The following NKAIN3 variants were observed in gnomAD, a reference collection of about 807,000 sequenced individuals.
NKAIN3 encodes sodium/potassium transporting ATPase interacting 3, also known as sodium/potassium-transporting ATPase subunit beta-1-interacting protein 3.
In NKAIN3, 25 loss-of-function variants were observed where a neutral mutation model predicts 30.2. That is an observed-to-expected ratio of 0.83 (90% CI 0.60 to 1.16). NKAIN3 has a LOEUF of 1.16. Among genes scored for constraint, NKAIN3 ranks in the 50% most tolerant of loss-of-function variants. NKAIN3 has a pLI of 0.00. For missense variants in NKAIN3, 225 were observed against 254.1 expected (o/e 0.89, Z 0.78); for synonymous variants, 91 against 89.6 (o/e 1.02, Z -0.09).
intron 1 of NKAIN3, among the ~76,000 whole-genome samples, chr8:62,500,239 A>G (rs993267360): frequency 6.6e-6 from 1 of 151,996 alleles, no homozygotes; most frequent in African/African-American, 2.4e-5. Context: ...TTTGAACCCA[A>G]ATATTCTGTC....
intron 4 of NKAIN3, among the ~76,000 whole-genome samples, chr8:62,823,324 A>G (rs949028171): frequency 6.6e-6 from 1 of 152,168 alleles, no homozygotes; most frequent in Non-Finnish European, 1.5e-5. Context: ...TGTCATATGC[A>G]GCAGATGACT....
chr8:62,310,440 A>G (rs1339626618), intron 1 of NKAIN3, among the ~76,000 whole-genome samples: 2 of 150,620 alleles, frequency 1.3e-5, no homozygotes, highest in Non-Finnish European at 2.9e-5. Flanking sequence ...GTCAAAAAGA[A>G]CCATTTTATA....
intron 4 of NKAIN3, among the ~76,000 whole-genome samples, chr8:62,796,612 CTCA>C (rs890366119): frequency 1.3e-5 from 2 of 152,030 alleles, no homozygotes; most frequent in African/African-American, 4.8e-5. Context: ...AGAATATTTT[CTCA>C]TAACAACACT....
intron 1 of NKAIN3, among the ~76,000 whole-genome samples, chr8:62,251,571 A>G (rs974697410): frequency 3.3e-5 from 5 of 152,216 alleles, no homozygotes; most frequent in Admixed American, 3.3e-4. Context: ...AATTACATGA[A>G]AAGATTCTTG....
At chr8:62,706,392 AG>A (rs1361096902) in intron 3 of NKAIN3, among the ~76,000 whole-genome samples, 4 of 152,118 alleles carry the variant, frequency 2.6e-5, no homozygotes, top group Admixed American at 1.3e-4. Flanking sequence ...ATTCTACCTA[AG>A]CTGCCAGAGT....
chr8:62,473,744 T>C (rs1032020558), intron 1 of NKAIN3, among the ~76,000 whole-genome samples: 1 of 151,140 alleles, frequency 6.6e-6, no homozygotes, highest in African/African-American at 2.4e-5. Flanking sequence ...ATCTCAGTCT[T>C]TCCTTAATAG....
chr8:62,901,649 C>T (rs531985672), intron 4 of NKAIN3, among the ~76,000 whole-genome samples: 2 of 152,242 alleles, frequency 1.3e-5, no homozygotes, highest in African/African-American at 4.8e-5. Flanking sequence ...CTAGGTAGGA[C>T]TTTTACGTAC....
chr8:62,878,231 A>T (rs1174465167), intron 4 of NKAIN3, among the ~76,000 whole-genome samples: 1 of 152,178 alleles, frequency 6.6e-6, no homozygotes, highest in Admixed American at 6.5e-5. Flanking sequence ...TGATTTGACA[A>T]TTCTAAATTT....
intron 1 of NKAIN3, among the ~76,000 whole-genome samples, chr8:62,478,716 T>G (rs552618308): frequency 1.9e-4 from 29 of 152,322 alleles, no homozygotes; most frequent in Non-Finnish European, 3.7e-4. Context: ...AATATTTATT[T>G]CCTGAGCCAT....
At chr8:62,412,505 A>T (rs948050474) in intron 1 of NKAIN3, among the ~76,000 whole-genome samples, 2 of 152,162 alleles carry the variant, frequency 1.3e-5, no homozygotes, top group Admixed American at 1.3e-4. Flanking sequence ...CTTTAAACAG[A>T]CAATCTACAG....
intron 3 of NKAIN3, among the ~76,000 whole-genome samples, chr8:62,698,893 C>T (rs1814246213): frequency 6.6e-6 from 1 of 152,150 alleles, no homozygotes; most frequent in Non-Finnish European, 1.5e-5. Context: ...CTAATAAGCA[C>T]TATTGAGGTA....
At chr8:62,286,763 C>T (rs1387497421) in intron 1 of NKAIN3, among the ~76,000 whole-genome samples, 1 of 152,034 alleles carries the variant, frequency 6.6e-6, no homozygotes, top group East Asian at 1.9e-4. Flanking sequence ...TGTTCTTTGC[C>T]TGGACAGAAG....
chr8:62,491,087 A>G (rs1430904317), intron 1 of NKAIN3, among the ~76,000 whole-genome samples: 1 of 152,174 alleles, frequency 6.6e-6, no homozygotes, highest in African/African-American at 2.4e-5. Context: ...GAGCATTCAC[A>G]TATTTCCTAC....
In NKAIN3 at chr8:62,971,906, T is replaced by A. The variant is rs1215787790; in HGVS notation, c.*6499T>A. ...GTGGTTAGAAAGAAATGAAAATAAA[T>A]CAGTAGCACTACATCCTTCTAGGTT... On this transcript the variant is annotated 3_prime_UTR_variant, in exon 7 of 7. Coordinates refer to ENST00000623646, the MANE Select transcript of NKAIN3 (RefSeq NM_001304533.3). Among the ~76,000 whole-genome samples, 3 of 152,208 alleles carry A rather than the reference T, an allele frequency of 2.0e-5. No homozygotes were observed. Among genetic ancestry groups the A allele is most frequent in the African/African-American group, 7.2e-5 (3 of 41,458 alleles).
chr8:62,255,798 G>A (rs933971969), intron 1 of NKAIN3, among the ~76,000 whole-genome samples: 1 of 152,088 alleles, frequency 6.6e-6, no homozygotes, highest in Non-Finnish European at 1.5e-5. Context: ...TGCCCTCATG[G>A]GAGTCTTTGG....
At chr8:62,701,125 T>C (rs1814317908) in intron 3 of NKAIN3, among the ~76,000 whole-genome samples, 1 of 152,204 alleles carries the variant, frequency 6.6e-6, no homozygotes, top group African/African-American at 2.4e-5. Flanking sequence ...CTTAGGGATT[T>C]TATCACTGTG....
rs142014728 is a variant in NKAIN3, at chr8:62,705,102, C to G, written c.274-41830C>G. On this transcript the variant is annotated intron_variant, in intron 3 of 6. Coordinates refer to ENST00000623646, the MANE Select transcript of NKAIN3 (RefSeq NM_001304533.3). ...TCTCCCATTTTTTTACTGGCAATAC[C>G]TGGCACAACTCAGAACCATAAAACA... Among the ~76,000 whole-genome samples, 4 of 152,024 alleles carry G rather than the reference C, an allele frequency of 2.6e-5. No homozygotes were observed. The East Asian group carries it at 5.8e-4, about 22-fold the overall frequency.
At chr8:62,527,835 T>C (rs993963663) in intron 1 of NKAIN3, among the ~76,000 whole-genome samples, 12 of 151,684 alleles carry the variant, frequency 7.9e-5, no homozygotes, top group African/African-American at 9.7e-5. Flanking sequence ...GACTTAATAA[T>C]ATCAATATGA....
chr8:62,630,597 A>C (rs1395981602), intron 3 of NKAIN3, among the ~76,000 whole-genome samples: 1 of 152,148 alleles, frequency 6.6e-6, no homozygotes, highest in East Asian at 1.9e-4. Flanking sequence ...GTGTATCCAG[A>C]ACACCATGCA....
Sources: gnomAD v4.1 joint callset for allele counts (sites outside exome capture counted in the v4.1 genomes callset) on GRCh38, gnomAD v4.1.1 for gene constraint, MANE v1.5 for transcripts, NCBI Gene and HGNC (gene_info 2026-07-23, HGNC 2026-07-21) for gene names.